Variants in COMMD1 observed in about 807,000 individuals in gnomAD.
COMMD1 encodes COMM domain-containing protein 1.
COMMD1 carries 10 observed loss-of-function variants against 17.2 expected under a neutral mutation model. The observed-to-expected ratio is 0.58, with a 90% CI of 0.36 to 0.99. The LOEUF is 0.99. COMMD1 is among the 50% of genes least tolerant of loss of function. The probability of loss-of-function intolerance (pLI) is 0.01; values close to 1 mark genes in which losing one functional copy is unlikely to be tolerated. For missense variants in COMMD1, 270 were observed against 231.8 expected, an observed-to-expected ratio of 1.17 and a Z score of -1.07; for synonymous variants, 97 against 91.6, an observed-to-expected ratio of 1.06 and a Z score of -0.34.
chr2:62,042,576 C>CGCA (rs1417676553), intron 2 of COMMD1, among the ~76,000 whole-genome samples: 1 of 152,160 alleles, frequency 6.6e-6, no homozygotes, highest in Non-Finnish European at 1.5e-5. Flanking sequence ...GAGCGCCGAG[C>CGCA]GCAGCCCCGG....
intron 2 of COMMD1, among the ~76,000 whole-genome samples, chr2:62,104,398 C>T (rs190723453): frequency 1.8e-4 from 27 of 152,006 alleles, no homozygotes; most frequent in Admixed American, 1.1e-3. Flanking sequence ...CTTTGGGAGG[C>T]GGAGGTGGGC....
chr2:62,122,494 A>T (rs1672777925), intron 2 of COMMD1, among the ~76,000 whole-genome samples: 2 of 138,482 alleles, frequency 1.4e-5, no homozygotes, highest in Non-Finnish European at 1.6e-5. Context: ...TGGTACCTCT[A>T]CCTTTTATTA....
intron 1 of COMMD1, among the ~76,000 whole-genome samples, chr2:61,938,581 A>G (rs1670660444): frequency 6.6e-6 from 1 of 152,092 alleles, no homozygotes; most frequent in Non-Finnish European, 1.5e-5. Flanking sequence ...TCATGTTCTA[A>G]GGCCTTTTCA....
chr2:61,897,410 T>C (rs1669571954), intron 1 of COMMD1, among the ~76,000 whole-genome samples: 2 of 152,194 alleles, frequency 1.3e-5, no homozygotes, highest in Admixed American at 1.3e-4. Context: ...TTGTGTTTTG[T>C]TACAGAGCTC....
At chr2:62,026,040 TG>T (rs1384775016) in intron 2 of COMMD1, among the ~76,000 whole-genome samples, 2 of 152,046 alleles carry the variant, frequency 1.3e-5, no homozygotes, top group African/African-American at 4.8e-5. Context: ...GAAACGGGCA[TG>T]GAGAGGTGAA....
At chr2:62,071,266 TGA>T (rs1341587465) in intron 2 of COMMD1, among the ~76,000 whole-genome samples, 4 of 152,192 alleles carry the variant, frequency 2.6e-5, no homozygotes, top group Admixed American at 1.3e-4. Flanking sequence ...GTGTTGCTGG[TGA>T]GAGTGTCTTT....
intron 1 of COMMD1, among the ~76,000 whole-genome samples, chr2:61,982,786 T>A (rs1671991858): frequency 6.6e-6 from 1 of 152,342 alleles, no homozygotes; most frequent in Admixed American, 6.5e-5. Context: ...ATTGAAATGA[T>A]CGTATGGTTT....
intron 2 of COMMD1, among the ~76,000 whole-genome samples, chr2:62,116,505 C>T (rs1419662531): frequency 6.6e-6 from 1 of 151,668 alleles, no homozygotes; most frequent in East Asian, 1.9e-4. Context: ...AACCCCGTCT[C>T]TACTAAAAAT....
chr2:62,098,160 TTC>T (rs1361172250), intron 2 of COMMD1, among the ~76,000 whole-genome samples: 3 of 147,098 alleles, frequency 2.0e-5, no homozygotes, highest in Admixed American at 1.3e-4. Flanking sequence ...TTTCCTTTCT[TTC>T]TTTTTTTTTT....
intron 1 of COMMD1, among the ~76,000 whole-genome samples, chr2:61,922,296 A>G (rs1670219685): frequency 6.6e-6 from 1 of 152,104 alleles, no homozygotes; most frequent in Non-Finnish European, 1.5e-5. Flanking sequence ...TCCTATTTTT[A>G]TAGGATTGTG....
chr2:62,072,291 T>A (rs1671218165), intron 2 of COMMD1, among the ~76,000 whole-genome samples: 1 of 151,730 alleles, frequency 6.6e-6, no homozygotes, highest in Non-Finnish European at 1.5e-5. Context: ...CTGACCAGAG[T>A]GAGAACTTCC....
intron 2 of COMMD1, among the ~76,000 whole-genome samples, chr2:62,004,375 A>G (rs1669055545): frequency 6.6e-6 from 1 of 152,140 alleles, no homozygotes; most frequent in South Asian, 2.1e-4. Context: ...ATCTCGGCTC[A>G]CTGCAGCCTC....
intron 2 of COMMD1, among the ~76,000 whole-genome samples, chr2:62,032,478 G>A (rs1465354898): frequency 3.3e-5 from 5 of 152,216 alleles, no homozygotes; most frequent in African/African-American, 7.2e-5. Context: ...CCTGGCTGCA[G>A]TGAGCTATGA....
chr2:62,122,535 A>T (rs938674748), intron 2 of COMMD1, among the ~76,000 whole-genome samples: 31 of 151,102 alleles, frequency 2.1e-4, no homozygotes, highest in African/African-American at 6.8e-4. Context: ...AACAGAGTGT[A>T]TGTCAGACTG....
At chr2:61,953,811 C>G (rs911485867) in intron 1 of COMMD1, among the ~76,000 whole-genome samples, 1 of 152,110 alleles carries the variant, frequency 6.6e-6, no homozygotes, top group African/African-American at 2.4e-5. Context: ...AGTAGTACCT[C>G]ATAGTTTTAA....
At chr2:61,983,977 C>G (rs1672030721) in intron 1 of COMMD1, among the ~76,000 whole-genome samples, 1 of 152,132 alleles carries the variant, frequency 6.6e-6, no homozygotes, top group Non-Finnish European at 1.5e-5. Flanking sequence ...TAGCTATAAA[C>G]TTCTTCCTTA....
At chr2:61,915,294 C>G (rs1001699291) in intron 1 of COMMD1, among the ~76,000 whole-genome samples, 2 of 152,194 alleles carry the variant, frequency 1.3e-5, no homozygotes, top group African/African-American at 4.8e-5. Context: ...GCGTGAGCCA[C>G]TGCACCCAGC....
chr2:62,067,877 G>C (rs1671097395), intron 2 of COMMD1, among the ~76,000 whole-genome samples: 1 of 152,168 alleles, frequency 6.6e-6, no homozygotes, highest in African/African-American at 2.4e-5. Context: ...AGTATGCCAA[G>C]GTGCCGTATT....
At chr2:62,065,468 C>T (rs1310192084) in intron 2 of COMMD1, among the ~76,000 whole-genome samples, 5 of 149,640 alleles carry the variant, frequency 3.3e-5, no homozygotes, top group African/African-American at 9.8e-5. Flanking sequence ...GAACAACAGC[C>T]ATGCACCACC....
Sources: gnomAD v4.1 joint callset for allele counts (sites outside exome capture counted in the v4.1 genomes callset) on GRCh38, gnomAD v4.1.1 for gene constraint, MANE v1.5 for transcripts, NCBI Gene and HGNC (gene_info 2026-07-23, HGNC 2026-07-21) for gene names.